Variants in VPS35L observed in about 807,000 individuals in gnomAD.
VPS35L encodes VPS35 endosomal protein sorting factor like.
In VPS35L, 83 loss-of-function variants were observed where a neutral mutation model predicts 133.0. The ratio of observed to expected loss-of-function variants is 0.62; its 90% CI spans 0.52 to 0.75. VPS35L has a LOEUF of 0.75. Ranked by LOEUF, VPS35L falls within the 30% of genes least tolerant of loss-of-function variation. VPS35L has a pLI of 0.00. For synonymous variants in VPS35L, 423 were observed against 449.9 expected (o/e 0.94, Z 0.76); for missense variants, 1,083 against 1,206.8 (o/e 0.90, Z 1.52).
rs1971141611 is a variant in VPS35L, at chr16:19,564,957, T to C, written c.117+7T>C. On this transcript the variant is annotated splice_region_variant and intron_variant, in intron 2 of 30. Coordinates refer to ENST00000417362, the MANE Select transcript of VPS35L (RefSeq NM_020314.7). ...CCCTCTGAAACCCATAACTGTAAGTTTTGTTAAGGGTCTTTCTGAATGATA... is the reference window on the plus strand; with the variant it reads ...CCCTCTGAAACCCATAACTGTAAGTCTTGTTAAGGGTCTTTCTGAATGATA... The C allele has an allele frequency of 6.4e-7, 1 of 1,568,980 alleles. No homozygotes were observed. Among genetic ancestry groups the C allele is most frequent in the Non-Finnish European group, 8.8e-7 (1 of 1,139,412 alleles).
In VPS35L at chr16:19,691,433, C is replaced by T. The variant is rs955660825; in HGVS notation, c.2608C>T (p.Gln870Ter). 6.2e-7 allele frequency: 1 copy of T among 1,613,922 alleles called. No homozygotes were observed. ...CAAGCTGTGTGAGACGGTGATGGCT[C>T]AGATCCTAGAGCATCTGAAAACCCT... ...NNKLCETVMA[Q>*]ILEHLKTLAK... is the part of the protein sequence containing the mutation. Residue 870 changes from glutamine to a stop codon, truncating the protein, a stop_gained, in exon 29 of 31, where the codon CAG (glutamine) becomes TAG (stop). Transcript: ENST00000417362. LOFTEE classifies it high-confidence loss of function.
intron 7 of VPS35L, chr16:19,581,990 A>G (rs1971725029): frequency 4.6e-6 from 1 of 218,168 alleles, no homozygotes; most frequent in African/African-American, 2.3e-5. Flanking sequence ...TACACACTAA[A>G]GATTGAGCAA....
At chr16:19,627,500 A>T (rs2151564962) in intron 15 of VPS35L, among the ~76,000 whole-genome samples, 194 bp from the exon 16 acceptor site, 1 of 152,238 alleles carries the variant, frequency 6.6e-6, no homozygotes, top group South Asian at 2.1e-4. Flanking sequence ...TTAATTCAAC[A>T]TTTATTGAGT....
At chr16:19,557,161 T>C (rs1970887254) in intron 1 of VPS35L, among the ~76,000 whole-genome samples, 1 of 152,062 alleles carries the variant, frequency 6.6e-6, no homozygotes, top group Non-Finnish European at 1.5e-5. Flanking sequence ...GAAAAAGTCA[T>C]GCTGGCTTGA....
At chr16:19,675,654 A>ATT (rs1182552140) in intron 27 of VPS35L, among the ~76,000 whole-genome samples, 1 of 151,808 alleles carries the variant, frequency 6.6e-6, no homozygotes, top group Admixed American at 6.6e-5. Flanking sequence ...AGTTCAAGTG[A>ATT]TTTTCCTGCC....
chr16:19,608,620 A>G, intron 10 of VPS35L: 1 of 391,848 alleles, frequency 2.6e-6, no homozygotes, highest in Non-Finnish European at 4.6e-6. Context: ...TGCAGGGCAA[A>G]TGCTACTATT....
Position 19,573,213 on chromosome 16 carries a change from G to A in VPS35L, c.380G>A (p.Arg127Gln), listed in dbSNP as rs1008986629. 18 of 1,613,740 alleles carry A rather than the reference G, an allele frequency of 1.1e-5. No homozygotes were observed. The highest frequency in any genetic ancestry group is 2.7e-5 in the African/African-American group (2 of 74,884). Residue 127 changes from arginine to glutamine, a missense_variant, in exon 4 of 31, where the codon CGG becomes CAG. Coordinates refer to ENST00000417362, the MANE Select transcript of VPS35L (RefSeq NM_020314.7). Reference sequence around the variant, plus strand: ...AACAAACGGGGAGAAATCCTTGCCCGGTACACCACTACCGAAAAGCTGTCT... The same window carrying A: ...AACAAACGGGGAGAAATCCTTGCCCAGTACACCACTACCGAAAAGCTGTCT... ...WTNKRGEILARYTTTEKLSIN... is the reference protein window; with the variant it reads ...WTNKRGEILAQYTTTEKLSIN...
chr16:19,669,489 A>AG (rs1333446488), intron 27 of VPS35L, among the ~76,000 whole-genome samples, 190 bp downstream of exon 27: 8 of 152,066 alleles, frequency 5.3e-5, no homozygotes, highest in Non-Finnish European at 1.0e-4. Flanking sequence ...ATAATAGTAG[A>AG]GGTGAGGTAC....
chr16:19,590,189 C>T (rs1212555244), intron 7 of VPS35L, among the ~76,000 whole-genome samples: 2 of 119,848 alleles, frequency 1.7e-5, no homozygotes, highest in East Asian at 2.9e-4. Context: ...GGGGATGTTT[C>T]GCAAATCAGA....
At chr16:19,565,124 C>A (rs1971148515) in intron 2 of VPS35L, among the ~76,000 whole-genome samples, 174 bp downstream of exon 2, 1 of 150,030 alleles carries the variant, frequency 6.7e-6, no homozygotes, top group African/African-American at 2.5e-5. Flanking sequence ...TGGCTCACTG[C>A]AACCTCTGAC....
chr16:19,643,215 C>T (rs1161946416), intron 22 of VPS35L, among the ~76,000 whole-genome samples: 1 of 152,108 alleles, frequency 6.6e-6, no homozygotes, highest in East Asian at 1.9e-4. Flanking sequence ...CGAGGCATTT[C>T]ATAAAAATGG....
rs773202405 is a variant in VPS35L, at chr16:19,616,696, A to G, written c.1112A>G (p.Asp371Gly). ...FLLTFKQIHG[D>G]TVQNQLVVQG... The stretch of plus-strand genomic sequence containing the variant: ...TTTGGCCTCCTGTAGATTCATGGGG[A>G]TACGGTCCAGAACCAGCTGGTGGTC... The change falls in exon 14 of 31, where the codon GAT becomes GGT. Residue 371 changes from aspartate to glycine, a missense_variant. Transcript: ENST00000417362. The G allele has an allele frequency of 6.2e-7, 1 of 1,613,628 alleles. No individual in the cohort carries two copies. Among genetic ancestry groups the G allele is most frequent in the Non-Finnish European group, 8.5e-7 (1 of 1,179,912 alleles).
In VPS35L at chr16:19,639,536, G is replaced by A. The variant is rs1973721385; in HGVS notation, c.1699-479G>A. Among the ~76,000 whole-genome samples the A allele has an allele frequency of 6.6e-6, 1 of 152,036 alleles. No individual in the cohort carries two copies. The highest frequency in any genetic ancestry group is 2.4e-5 in the African/African-American group (1 of 41,404). On this transcript the variant is annotated intron_variant, in intron 20 of 30. Coordinates refer to ENST00000417362, the MANE Select transcript of VPS35L (RefSeq NM_020314.7). The surrounding 1 kb of genome is among the most constrained non-coding windows in gnomAD (Gnocchi z 4.1). ...TAACAGCTTTTTATTTTGTTTGTTT[G>A]TTTATTTTTGAGATAGAGTCTTGCT... is the stretch of plus-strand genomic sequence containing the variant.
intron 19 of VPS35L, 41 bp from the exon 20 acceptor site, chr16:19,637,553 T>A (rs1973659322): frequency 7.1e-7 from 1 of 1,408,406 alleles, no homozygotes; most frequent in Non-Finnish European, 9.6e-7. Context: ...TTTTAAAAAT[T>A]AAGTTTTTAA....
intron 29 of VPS35L, among the ~76,000 whole-genome samples, chr16:19,697,501 AT>A (rs966758261): frequency 8.0e-5 from 12 of 150,496 alleles, no homozygotes; most frequent in Admixed American, 5.3e-4. Context: ...TGCTCAGCTA[AT>A]TTTTTTTTTC....
chr16:19,666,659 A>G (rs1306936604), intron 26 of VPS35L, among the ~76,000 whole-genome samples: 2 of 152,164 alleles, frequency 1.3e-5, no homozygotes, highest in African/African-American at 4.8e-5. Flanking sequence ...AATGAGGCAT[A>G]ATAATAGGCA....
At chr16:19,561,870 C>T (rs930343411) in intron 1 of VPS35L, among the ~76,000 whole-genome samples, 3 of 152,130 alleles carry the variant, frequency 2.0e-5, no homozygotes, top group Admixed American at 6.6e-5. Flanking sequence ...GTTTGGGAGA[C>T]TGAGGCAGGT....
In VPS35L at chr16:19,643,361, A is replaced by G. The variant is rs57304621; in HGVS notation, c.1865+885A>G. On this transcript the variant is annotated intron_variant, in intron 22 of 30. Transcript: ENST00000417362. ...GATTTCTCTCTTGTTAAAATTGTGC[A>G]TAGTAGACAGACCAGAAGGTAGGGG... Among the ~76,000 whole-genome samples the G allele has an allele frequency of 5.8e-3, 880 of 152,332 alleles. 10 individuals carry two copies. Among genetic ancestry groups the G allele is most frequent in the African/African-American group, 0.02 (820 of 41,572 alleles).
intron 8 of VPS35L, among the ~76,000 whole-genome samples, chr16:19,600,485 A>G (rs1972348250): frequency 6.6e-6 from 1 of 152,194 alleles, no homozygotes; most frequent in Non-Finnish European, 1.5e-5. Context: ...TTGTTTGCAC[A>G]TTGTGGCCAC....
Sources: allele counts gnomAD v4.1 joint callset (sites outside exome capture counted in the v4.1 genomes callset), GRCh38; gene constraint gnomAD v4.1.1; non-coding constraint Gnocchi (gnomAD v3.1); transcripts MANE v1.5; gene names NCBI Gene and HGNC (gene_info 2026-07-23, HGNC 2026-07-21).